The following CDH8 variants were observed in gnomAD, a reference collection of about 807,000 sequenced individuals.
CDH8 encodes the protein cadherin 8, also known as cadherin-8.
Under a neutral mutation model 68.1 loss-of-function variants are expected in CDH8, and 17 were observed. The ratio of observed to expected loss-of-function variants is 0.25; its 90% CI spans 0.17 to 0.37. The LOEUF is 0.37. Ranked by LOEUF, CDH8 falls within the 10% of genes least tolerant of loss-of-function variation. The pLI, the probability that CDH8 is intolerant of heterozygous loss-of-function variation, is 1.00. For synonymous variants in CDH8, 372 were observed against 365.1 expected, an observed-to-expected ratio of 1.02 and a Z score of -0.21; for missense variants, 763 against 999.3, an observed-to-expected ratio of 0.76 and a Z score of 3.19.
intron 10 of CDH8, chr16:61,667,147 G>T (rs375565323): frequency 6.6e-6 from 1 of 152,048 alleles, no homozygotes; most frequent in South Asian, 2.1e-4. Flanking sequence ...TGGCTTATTT[G>T]TGACTGCTTT....
chr16:61,678,358 CAG>C (rs1963953883), intron 10 of CDH8, among the ~76,000 whole-genome samples: 1 of 152,006 alleles, frequency 6.6e-6, no homozygotes, highest in South Asian at 2.1e-4. Context: ...AAATATTTTA[CAG>C]AGTTTGACTC....
intron 4 of CDH8, among the ~76,000 whole-genome samples, chr16:61,838,357 C>T (rs550440191): frequency 8.5e-5 from 13 of 152,148 alleles, no homozygotes; most frequent in African/African-American, 2.4e-4. Flanking sequence ...CATGAATGAA[C>T]GGATATTGAA....
At chr16:61,974,370 T>C (rs183070010) in intron 2 of CDH8, among the ~76,000 whole-genome samples, 19 of 152,286 alleles carry the variant, frequency 1.2e-4, no homozygotes, top group African/African-American at 4.6e-4. Context: ...GGGGTTTGAA[T>C]ATATAACAGC....
At chr16:61,677,906 C>T (rs1171316109) in intron 10 of CDH8, among the ~76,000 whole-genome samples, 1 of 151,892 alleles carries the variant, frequency 6.6e-6, no homozygotes, top group Non-Finnish European at 1.5e-5. Flanking sequence ...AAGGAAAAGT[C>T]GACCAGCATT....
At chr16:61,814,659 G>A (rs1962033196) in intron 7 of CDH8, among the ~76,000 whole-genome samples, 1 of 152,134 alleles carries the variant, frequency 6.6e-6, no homozygotes, top group South Asian at 2.1e-4. Flanking sequence ...AAATACAACA[G>A]TCCTAAAGAG....
At chr16:61,714,196 T>C (rs750278820) in intron 9 of CDH8, 1 of 463,444 alleles carries the variant, frequency 2.2e-6, no homozygotes, top group South Asian at 2.7e-5. Context: ...CCATTTGGTG[T>C]CTGTGGCTTG....
chr16:61,716,341 A>G (rs536677218), intron 9 of CDH8, among the ~76,000 whole-genome samples: 1 of 151,808 alleles, frequency 6.6e-6, no homozygotes, highest in African/African-American at 2.4e-5. Context: ...CCTGTAGCAA[A>G]GAAGCATAAC....
At chr16:61,858,165 C>T (rs991657580) in intron 3 of CDH8, among the ~76,000 whole-genome samples, 1 of 152,034 alleles carries the variant, frequency 6.6e-6, no homozygotes, top group South Asian at 2.1e-4. Flanking sequence ...AAGGGTCAAA[C>T]AAATAGAGAA....
intron 10 of CDH8, among the ~76,000 whole-genome samples, chr16:61,663,457 A>G (rs577159619): frequency 2.6e-5 from 4 of 152,074 alleles, no homozygotes; most frequent in Admixed American, 2.0e-4. Context: ...AAAAATAGAT[A>G]CTGTTAAATA....
chr16:61,718,291 T>C (rs1567438296), intron 9 of CDH8, among the ~76,000 whole-genome samples: 1 of 151,380 alleles, frequency 6.6e-6, no homozygotes, highest in Non-Finnish European at 1.5e-5. Flanking sequence ...TTAAAAGAAA[T>C]AGTTCTTTCT....
rs780237284 is a variant in CDH8, at chr16:61,817,531, C to T, written c.1225G>A (p.Val409Met). ...EVHENAALNS[V>M]IGQVTARDPD... ...TCACGAGCAGTCACTTGCCCAATCACGGAGTTTAGAGCAGCATTTTCATGA... is the reference window on the plus strand; with the variant it reads ...TCACGAGCAGTCACTTGCCCAATCATGGAGTTTAGAGCAGCATTTTCATGA... Residue 409 changes from valine to methionine, a missense_variant, in exon 7 of 12, where the codon GTG becomes ATG. Physicochemically the swap from Val to Met is conservative, Grantham distance 21. Around this residue, in one of 2 missense-constraint regions of CDH8, gnomAD observed 366 missense variants for 563.1 expected, o/e 0.65. Transcript: ENST00000577390. 18 of 1,613,870 alleles carry T rather than the reference C, an allele frequency of 1.1e-5. No homozygotes were observed. The highest frequency in any genetic ancestry group is 1.3e-5 in the Non-Finnish European group (15 of 1,179,900).
intron 10 of CDH8, among the ~76,000 whole-genome samples, chr16:61,670,792 C>T (rs1234941393): frequency 6.6e-6 from 1 of 151,790 alleles, no homozygotes; most frequent in Non-Finnish European, 1.5e-5. Context: ...TGATTACCTA[C>T]ATAGGTAGTT....
At chr16:61,917,039 A>G (rs954741366) in intron 2 of CDH8, among the ~76,000 whole-genome samples, 3 of 150,592 alleles carry the variant, frequency 2.0e-5, no homozygotes, top group African/African-American at 7.3e-5. Flanking sequence ...GCAGTTCAGC[A>G]TTGCACAAAT....
At chr16:61,697,562 C>T (rs143242708) in intron 10 of CDH8, among the ~76,000 whole-genome samples, 5 of 151,740 alleles carry the variant, frequency 3.3e-5, no homozygotes, top group African/African-American at 1.2e-4. Flanking sequence ...GGTGCCATCT[C>T]GGCTCACTGC....
In CDH8 at chr16:61,883,455, T is replaced by C. The variant is rs1400773384; in HGVS notation, c.547+17724A>G. Among the ~76,000 whole-genome samples the C allele has an allele frequency of 2.6e-5, 4 of 152,016 alleles. No individual in the cohort carries two copies. The East Asian group carries it at 5.8e-4, about 22-fold the overall frequency. ...GGGGATACGACTTAAGCAGGCAACA[T>C]TGTCTATAAAAAAGTTAATGATACT... On this transcript the variant is annotated intron_variant, in intron 3 of 11. Transcript: ENST00000577390.
intron 8 of CDH8, among the ~76,000 whole-genome samples, chr16:61,771,099 A>G (rs1403545625): frequency 6.6e-6 from 1 of 151,900 alleles, no homozygotes; most frequent in Non-Finnish European, 1.5e-5. Flanking sequence ...TGTAGAATAT[A>G]TAATTGCCTT....
intron 8 of CDH8, among the ~76,000 whole-genome samples, chr16:61,785,210 AAGAG>A (rs1198934536): frequency 1.5e-4 from 17 of 112,782 alleles, no homozygotes; most frequent in African/African-American, 6.0e-4. Context: ...TAAAGAAAAA[AAGAG>A]AGAAGAATCA....
chr16:61,857,591 T>C (rs1378399942), intron 3 of CDH8, among the ~76,000 whole-genome samples: 1 of 152,156 alleles, frequency 6.6e-6, no homozygotes, highest in Non-Finnish European at 1.5e-5. Flanking sequence ...TAATATACCA[T>C]GTCACATTTA....
chr16:61,765,036 G>A (rs1308811326), intron 8 of CDH8, among the ~76,000 whole-genome samples: 2 of 152,074 alleles, frequency 1.3e-5, no homozygotes, highest in African/African-American at 4.8e-5. Context: ...GTAAAGAGCT[G>A]TAAACTGGAT....
Sources: allele counts gnomAD v4.1 joint callset (sites outside exome capture counted in the v4.1 genomes callset), GRCh38; gene constraint gnomAD v4.1.1; regional missense constraint gnomAD v4.1.1; transcripts MANE v1.5; gene names NCBI Gene and HGNC (gene_info 2026-07-23, HGNC 2026-07-21).